The following CDC42BPA variants were observed in gnomAD, a reference collection of about 807,000 sequenced individuals.
CDC42BPA encodes the protein serine/threonine-protein kinase MRCK alpha.
In CDC42BPA, 80 loss-of-function variants were observed where a neutral mutation model predicts 223.5. The ratio of observed to expected loss-of-function variants is 0.36; its 90% CI spans 0.30 to 0.43. The LOEUF (loss-of-function observed/expected upper bound fraction) is 0.43. CDC42BPA is among the 20% of genes least tolerant of loss of function. The pLI is 1.00. For missense variants in CDC42BPA, 1,743 were observed against 2,099.9 expected (o/e 0.83, Z 3.32); for synonymous variants, 694 against 718.6 (o/e 0.97, Z 0.55).
intron 1 of CDC42BPA, among the ~76,000 whole-genome samples, chr1:227,289,086 G>C (rs1049592479): frequency 1.3e-5 from 2 of 151,914 alleles, no homozygotes; most frequent in African/African-American, 4.8e-5. Flanking sequence ...CAACTTCAAG[G>C]CACTACTCTC....
chr1:227,110,043 G>A (rs1216748637), intron 14 of CDC42BPA, among the ~76,000 whole-genome samples: 5 of 152,064 alleles, frequency 3.3e-5, no homozygotes, highest in African/African-American at 4.8e-5. Context: ...TTGATCCATG[G>A]TTGGTTGAAT....
chr1:227,115,207 A>G (rs1687576781), intron 12 of CDC42BPA, among the ~76,000 whole-genome samples: 2 of 152,060 alleles, frequency 1.3e-5, no homozygotes, highest in African/African-American at 2.4e-5. Flanking sequence ...ATCATGACAA[A>G]CAGAAAAAAA....
intron 9 of CDC42BPA, among the ~76,000 whole-genome samples, chr1:227,141,337 G>T (rs1231179904): frequency 6.6e-6 from 1 of 152,110 alleles, no homozygotes; most frequent in Non-Finnish European, 1.5e-5. Context: ...TTTATATTTT[G>T]CATTAAGATG....
chr1:227,162,383 C>A (rs1441410769), intron 5 of CDC42BPA, among the ~76,000 whole-genome samples: 1 of 152,136 alleles, frequency 6.6e-6, no homozygotes, highest in African/African-American at 2.4e-5. Context: ...TAGCTACTAT[C>A]CTAAATTTGG....
At chr1:227,173,258 A>T (rs1177940601) in intron 5 of CDC42BPA, among the ~76,000 whole-genome samples, 1 of 152,176 alleles carries the variant, frequency 6.6e-6, no homozygotes, top group Non-Finnish European at 1.5e-5. Context: ...CTAAATGAAG[A>T]TGTCCAAATA....
intron 11 of CDC42BPA, among the ~76,000 whole-genome samples, chr1:227,125,906 A>G (rs1429056498): frequency 6.6e-6 from 1 of 152,164 alleles, no homozygotes; most frequent in East Asian, 1.9e-4. Flanking sequence ...ATAAATTTAT[A>G]ATAAATGTAT....
intron 1 of CDC42BPA, among the ~76,000 whole-genome samples, chr1:227,305,416 G>A (rs1281788538): frequency 2.6e-5 from 4 of 152,082 alleles, no homozygotes. Context: ...TTTGTATAAT[G>A]TCTGCATTGT....
At chr1:227,018,749 T>G (rs143850528) in intron 32 of CDC42BPA, among the ~76,000 whole-genome samples, 2 of 152,330 alleles carry the variant, frequency 1.3e-5, no homozygotes, top group East Asian at 3.9e-4. Flanking sequence ...GTCACACTAT[T>G]TTTTTGGTCT....
rs757075704 is a variant in CDC42BPA, at chr1:227,074,357, C to T, written c.2488G>A (p.Asp830Asn). 2.5e-6 allele frequency: 4 copies of T among 1,610,954 alleles called. No individual in the cohort carries two copies. Among genetic ancestry groups the T allele is most frequent in the African/African-American group, 2.7e-5 (2 of 74,768 alleles). The change falls in exon 18 of 37, where the codon GAT becomes AAT. Residue 830 changes from aspartate (D) to asparagine (N), a missense_variant. Physicochemically the swap from Asp to Asn is conservative, Grantham distance 23 (BLOSUM62 1). Transcript: ENST00000366766. ...QITEIIQWVSDEKDARGYLQA... is the reference protein window; with the variant it reads ...QITEIIQWVSNEKDARGYLQA... ...AGATACCCTCGTGCATCCTTTTCAT[C>T]GCTGACCCTAGAATATATAAAGACA...
intron 14 of CDC42BPA, among the ~76,000 whole-genome samples, chr1:227,105,545 G>T (rs559760932): frequency 1.3e-5 from 2 of 151,484 alleles, no homozygotes; most frequent in South Asian, 4.2e-4. Context: ...GTAGAGATGG[G>T]GTCTCACTCT....
chr1:227,065,054 G>A (rs572912212), intron 21 of CDC42BPA, among the ~76,000 whole-genome samples: 5 of 151,994 alleles, frequency 3.3e-5, no homozygotes, highest in South Asian at 2.1e-4. Context: ...CTGAGATCGC[G>A]CCACTGCACT....
chr1:227,168,497 G>GTGTTTTGT (rs1302291274), intron 5 of CDC42BPA, among the ~76,000 whole-genome samples: 1 of 80,196 alleles, frequency 1.2e-5, no homozygotes. Flanking sequence ...CTTCCCTGGT[G>GTGTTTTGT]TTTTTTTTTT....
chr1:226,998,314 C>G (rs1012071173), intron 35 of CDC42BPA, among the ~76,000 whole-genome samples: 1 of 152,066 alleles, frequency 6.6e-6, no homozygotes, highest in East Asian at 1.9e-4. Context: ...CATATGGAAC[C>G]AAAAAATAGC....
intron 30 of CDC42BPA, among the ~76,000 whole-genome samples, chr1:227,027,301 A>T (rs1668449310): frequency 6.6e-6 from 1 of 152,092 alleles, no homozygotes; most frequent in African/African-American, 2.4e-5. Context: ...AGACTTTCTG[A>T]TTTTTCTGTA....
intron 21 of CDC42BPA, among the ~76,000 whole-genome samples, chr1:227,065,083 C>A (rs962315898): frequency 7.4e-6 from 1 of 134,816 alleles, no homozygotes; most frequent in Non-Finnish European, 1.6e-5. Context: ...TGTGAGAGAG[C>A]GAGACTCCAT....
chr1:227,024,806 A>C (rs1454400920), intron 31 of CDC42BPA, among the ~76,000 whole-genome samples: 1 of 152,250 alleles, frequency 6.6e-6, no homozygotes, highest in East Asian at 1.9e-4. Flanking sequence ...AATGATAAGC[A>C]CAACATGACG....
chr1:227,029,128 C>T lies in CDC42BPA; in HGVS notation c.3961G>A (p.Asp1321Asn). The T allele has an allele frequency of 6.2e-7, 1 of 1,610,964 alleles. No homozygotes were observed. Among genetic ancestry groups the T allele is most frequent in the Non-Finnish European group, 8.5e-7 (1 of 1,179,992 alleles). The change falls in exon 30 of 37, where the codon GAT becomes AAT. Residue 1321 changes from aspartate to asparagine, a missense_variant. Asp to Asn is a conservative substitution (Grantham distance 23). Around this residue, in one of 6 missense-constraint regions of CDC42BPA, gnomAD observed 678 missense variants for 777.5 expected, o/e 0.87. Transcript: ENST00000366766. ...HVRLFPMSAL[D>N]GRETDFYKLS... is the part of the protein sequence containing the mutation. The stretch of plus-strand genomic sequence containing the variant: ...TTGTAAAAATCGGTCTCTCGCCCAT[C>T]CAATGCTGACATAGGAAAAAGTCGT...
chr1:227,124,607 G>A (rs1689218474), intron 11 of CDC42BPA, among the ~76,000 whole-genome samples: 1 of 152,178 alleles, frequency 6.6e-6, no homozygotes, highest in Non-Finnish European at 1.5e-5. Flanking sequence ...AAAACAGTAT[G>A]TGAAGGAAGT....
intron 2 of CDC42BPA, among the ~76,000 whole-genome samples, chr1:227,214,628 A>G (rs1165289559): frequency 2.0e-5 from 3 of 152,084 alleles, no homozygotes; most frequent in Admixed American, 2.0e-4. Flanking sequence ...GCTATACAAG[A>G]CTCAATTTAG....
Sources: gnomAD v4.1 joint callset for allele counts (sites outside exome capture counted in the v4.1 genomes callset) on GRCh38, gnomAD v4.1.1 for gene constraint, gnomAD v4.1.1 regional missense constraint, MANE v1.5 for transcripts, NCBI Gene and HGNC (gene_info 2026-07-23, HGNC 2026-07-21) for gene names.